Variants in SLC23A2 observed in about 807,000 individuals in gnomAD.
SLC23A2 encodes the protein Na(+)/L-ascorbic acid transporter 2.
In SLC23A2, 36 loss-of-function variants were observed where a neutral mutation model predicts 73.3. The observed-to-expected ratio is 0.49, with a 90% CI of 0.38 to 0.65. The LOEUF (loss-of-function observed/expected upper bound fraction) is 0.65, where lower values mean the gene tolerates loss of function less well. SLC23A2 is among the 30% of genes least tolerant of loss of function. The probability of loss-of-function intolerance (pLI) is 0.00; values close to 1 mark genes in which losing one functional copy is unlikely to be tolerated. For synonymous variants in SLC23A2, 343 were observed against 327.3 expected, an observed-to-expected ratio of 1.05 and a Z score of -0.52; for missense variants, 507 against 841.6, an observed-to-expected ratio of 0.60 and a Z score of 4.92.
At chr20:4,929,421 C>T (rs1932760765) in intron 3 of SLC23A2, among the ~76,000 whole-genome samples, 1 of 152,178 alleles carries the variant, frequency 6.6e-6, no homozygotes, top group Non-Finnish European at 1.5e-5. Flanking sequence ...AGGCAGGCTT[C>T]CCCACTCTTC....
chr20:4,881,173 G>A (rs1056490862), intron 9 of SLC23A2, among the ~76,000 whole-genome samples: 23 of 152,368 alleles, frequency 1.5e-4, no homozygotes, highest in African/African-American at 5.0e-4. Context: ...ACTGGTTTCA[G>A]GGGCAGGAAA....
At chr20:4,928,737 T>C (rs1270728735) in intron 3 of SLC23A2, among the ~76,000 whole-genome samples, 3 of 152,218 alleles carry the variant, frequency 2.0e-5, no homozygotes, top group African/African-American at 4.8e-5. Context: ...GGCTCTACTG[T>C]TAAATCAACT....
rs1165828814 is a variant in SLC23A2 at position 4,863,786 on chromosome 20, C to T, written c.1357-879G>A. On this transcript the variant is annotated intron_variant, in intron 13 of 16. Transcript: ENST00000338244. This position sits in a 1 kb window ranked among gnomAD's most constrained non-coding sequence, Gnocchi z 4.8. ...CCCTTCCCTGTGGTTCCCTCCTAGC[C>T]AGATCCTAGATGCATCCTTTTAAAC... Among the ~76,000 whole-genome samples, 1 of 152,208 alleles carries T rather than the reference C, an allele frequency of 6.6e-6. No individual in the cohort carries two copies. The highest frequency in any genetic ancestry group is 1.5e-5 in the Non-Finnish European group (1 of 68,036).
At chr20:4,977,367 C>G (rs1487757545) in intron 1 of SLC23A2, among the ~76,000 whole-genome samples, 1 of 151,910 alleles carries the variant, frequency 6.6e-6, no homozygotes, top group African/African-American at 2.4e-5. Context: ...TTAATGAACA[C>G]GTATTATTAT....
chr20:4,940,334 T>C (rs2122960411), intron 2 of SLC23A2, among the ~76,000 whole-genome samples: 1 of 151,782 alleles, frequency 6.6e-6, no homozygotes, highest in African/African-American at 2.4e-5. Context: ...ACAATAATAA[T>C]AAGCAAGGAT....
chr20:4,857,438 A>G lies in SLC23A2; in HGVS notation c.1721-234T>C, dbSNP rs1929771018. 6.6e-6 allele frequency among the ~76,000 whole-genome samples: 1 copy of G among 152,120 alleles called. No homozygotes were observed. The highest frequency in any genetic ancestry group is 2.1e-4 in the South Asian group (1 of 4,824). ...CCAAACCAGAAGTCTAAGAAGCACTAACCCCTCCATGTCCTCATTCAAGCA... is the reference window on the plus strand; with the variant it reads ...CCAAACCAGAAGTCTAAGAAGCACTGACCCCTCCATGTCCTCATTCAAGCA... On this transcript the variant is annotated intron_variant, in intron 16 of 16. Coordinates refer to ENST00000338244, the MANE Select transcript of SLC23A2 (RefSeq NM_005116.6). The surrounding 1 kb of genome is among the most constrained non-coding windows in gnomAD (Gnocchi z 4.0).
chr20:4,936,717 C>G (rs1343095), intron 2 of SLC23A2, among the ~76,000 whole-genome samples: 28,279 of 152,210 alleles, frequency 0.19, 3,843 homozygotes, highest in African/African-American at 0.38. Flanking sequence ...GCTAGGAACA[C>G]ACAGTTCCAT....
Position 4,854,797 on chromosome 20 carries a change from A to AG in SLC23A2, c.*2174dup, listed in dbSNP as rs1260327515. On this transcript the variant is annotated 3_prime_UTR_variant, in exon 17 of 17. Transcript: ENST00000338244. ...AAGACGCCCAGTCAAGCTGAAGAGA[A>AG]GGTGCCCCTGGATCACCAATGGCTT... The AG allele has an allele frequency of 1.3e-5, 2 of 152,252 alleles. No homozygotes were observed. The highest frequency in any genetic ancestry group is 2.9e-5 in the Non-Finnish European group (2 of 68,046). 9.4% of individuals were successfully genotyped at this position (152,252 alleles called of 1,614,324 possible).
intron 15 of SLC23A2, 34 bp downstream of exon 15, chr20:4,861,914 C>T (rs772444133): frequency 4.3e-5 from 69 of 1,608,986 alleles, no homozygotes; most frequent in Middle Eastern, 3.3e-4. Context: ...GTGGTTCCAG[C>T]TCCCACTCCA....
At chr20:4,859,244 TAA>T in intron 16 of SLC23A2, 43 bp downstream of exon 16, 2 of 1,115,494 alleles carry the variant, frequency 1.8e-6, no homozygotes, top group Non-Finnish European at 2.6e-6. Context: ...ACACATATGT[TAA>T]AAAATAAAAA....
chr20:5,009,398 T>C (rs921724449), intron 1 of SLC23A2, among the ~76,000 whole-genome samples: 6 of 152,132 alleles, frequency 3.9e-5, no homozygotes, highest in African/African-American at 1.4e-4. Context: ...CCTTGGCCTC[T>C]CCTGGAACCA....
Position 4,857,119 on chromosome 20 carries a change from A to T in SLC23A2, c.1806T>A (p.Asn602Lys). ...TTATAATGTTCATGCCAAATGGCAAATTGTACGACTCCATGCCGTCGAGTG... is the reference window on the plus strand; with the variant it reads ...TTATAATGTTCATGCCAAATGGCAATTTGTACGACTCCATGCCGTCGAGTG... The part of the protein sequence containing the change: ...NKSLDGMESY[N>K]LPFGMNIIKK... The change falls in exon 17 of 17, where the codon AAT (asparagine) becomes AAA (lysine). Residue 602 changes from asparagine (N) to lysine (K), a missense_variant. Physicochemically the swap from Asn to Lys is moderately conservative, Grantham distance 94 (BLOSUM62 0). This residue lies in a region of SLC23A2 where 168 missense variants were observed against 302.3 expected (regional missense o/e 0.56). Coordinates refer to ENST00000338244, the MANE Select transcript of SLC23A2 (RefSeq NM_005116.6). This position sits in a 1 kb window ranked among gnomAD's most constrained non-coding sequence, Gnocchi z 4.0. 1 of 1,614,156 alleles carries T rather than the reference A, an allele frequency of 6.2e-7. No individual in the cohort carries two copies.
Position 4,857,342 on chromosome 20 carries a change from C to CCA in SLC23A2, c.1721-140_1721-139dup. ...CACACACACACACACACACATGGTC[C>CCA]CACAGATCAAACCTGCCTAGATAAC... On this transcript the variant is annotated intron_variant, in intron 16 of 16. Transcript: ENST00000338244. This position sits in a 1 kb window ranked among gnomAD's most constrained non-coding sequence, Gnocchi z 4.0. The CCA allele has an allele frequency of 1.7e-6, 1 of 578,806 alleles. No homozygotes were observed. The highest frequency in any genetic ancestry group is 2.2e-5 in the South Asian group (1 of 46,010). 35.9% of individuals were successfully genotyped at this position (578,806 alleles called of 1,614,324 possible). A position where few individuals can be genotyped will look rare whatever the true frequency, so the allele number is the denominator to read the frequency against.
chr20:4,946,384 T>C (rs981674890), intron 2 of SLC23A2, among the ~76,000 whole-genome samples: 8 of 152,162 alleles, frequency 5.3e-5, no homozygotes. Flanking sequence ...TAAAAATGGG[T>C]TCTCAGGTCC....
intron 1 of SLC23A2, among the ~76,000 whole-genome samples, chr20:4,985,055 T>G (rs2087801240): frequency 6.6e-6 from 1 of 151,390 alleles, no homozygotes; most frequent in African/African-American, 2.4e-5. Context: ...GAGAATCACT[T>G]GATCCCGGGA....
chr20:4,863,002 C>G lies in SLC23A2; in HGVS notation c.1357-95G>C. 7.7e-7 allele frequency: 1 copy of G among 1,293,898 alleles called. No homozygotes were observed. Among genetic ancestry groups the G allele is most frequent in the Non-Finnish European group, 1.1e-6 (1 of 935,734 alleles). The allele number at this position is 1,293,898 out of a possible 1,614,324, so 80.2% of individuals were successfully genotyped here. ...AACACACAGCAGAGATACCCATGGC[C>G]TGGCTCGCTACCTTCACCTCCTCCT... On this transcript the variant is annotated intron_variant, in intron 13 of 16. Coordinates refer to ENST00000338244, the MANE Select transcript of SLC23A2 (RefSeq NM_005116.6). The surrounding 1 kb of genome is among the most constrained non-coding windows in gnomAD (Gnocchi z 4.8).
At chr20:4,920,973 C>T (rs756699659) in intron 3 of SLC23A2, among the ~76,000 whole-genome samples, 2 of 152,088 alleles carry the variant, frequency 1.3e-5, no homozygotes, top group East Asian at 1.9e-4. Context: ...AGAATAGGCA[C>T]AATGAAAGAA....
At chr20:4,925,114 T>C (rs988779087) in intron 3 of SLC23A2, among the ~76,000 whole-genome samples, 9 of 151,670 alleles carry the variant, frequency 5.9e-5, no homozygotes, top group Admixed American at 3.9e-4. Context: ...ACCCAGGAGG[T>C]TGAGGCTGCA....
intron 2 of SLC23A2, among the ~76,000 whole-genome samples, chr20:4,937,050 C>T (rs2086971480): frequency 6.6e-6 from 1 of 151,748 alleles, no homozygotes; most frequent in Non-Finnish European, 1.5e-5. Flanking sequence ...CTTGGACACG[C>T]CATAAAAAGC....
Sources: gnomAD v4.1 joint callset for allele counts (sites outside exome capture counted in the v4.1 genomes callset) on GRCh38, gnomAD v4.1.1 for gene constraint, gnomAD v4.1.1 regional missense constraint, Gnocchi (gnomAD v3.1) non-coding constraint, MANE v1.5 for transcripts, NCBI Gene and HGNC (gene_info 2026-07-23, HGNC 2026-07-21) for gene names.